The following F8 variants were observed in gnomAD, a reference collection of about 807,000 sequenced individuals.
F8 encodes the protein antihemophilic factor.
F8 carries 12 observed loss-of-function variants against 140.6 expected under a neutral mutation model. That is an observed-to-expected ratio of 0.09 (90% CI 0.05 to 0.14). F8 has a LOEUF of 0.14. F8 is among the 10% of genes least tolerant of loss of function. The probability of loss-of-function intolerance (pLI) is 1.00; values close to 1 mark genes in which losing one functional copy is unlikely to be tolerated. For synonymous variants in F8, 585 were observed against 614.6 expected (o/e 0.95, Z 0.71); for missense variants, 1,354 against 1,720.7 (o/e 0.79, Z 3.77).
chrX:154,914,744 C>T (rs978368985), intron 14 of F8, among the ~76,000 whole-genome samples: 3 of 111,912 alleles, frequency 2.7e-5, no homozygotes, highest in Non-Finnish European at 5.6e-5. Flanking sequence ...CAAACTTTCC[C>T]AGATTTTCCT....
At chrX:154,909,108 GC>G in intron 14 of F8, 1 of 286,407 alleles carries the variant, frequency 3.5e-6, no homozygotes, top group Non-Finnish European at 6.8e-6. Context: ...TGACACTGAA[GC>G]CCACATTGTC....
chrX:154,860,364 T>C, intron 25 of F8, 68 bp downstream of exon 25: 1 of 1,133,915 alleles, frequency 8.8e-7, no homozygotes. Context: ...CTTTTTATGT[T>C]ATGTTAAGCT....
Position 154,931,086 on chromosome X carries a change from T to C in F8, c.2704A>G (p.Asn902Asp). 2 of 1,204,807 alleles carry C rather than the reference T, an allele frequency of 1.7e-6. No individual in the cohort carries two copies. The highest frequency in any genetic ancestry group is 2.2e-6 in the Non-Finnish European group (2 of 892,333). The stretch of plus-strand genomic sequence containing the variant: ...GATGGAATTGTTGAAATCAGATTAT[T>C]TGATGTACTAGAAACTTTGAAATCA... ...KLDFKVSSTS[N>D]NLISTIPSDN... The change falls in exon 14 of 26, where the codon AAT becomes GAT. Residue 902 changes from asparagine to aspartate, a missense_variant. Transcript: ENST00000360256.
rs782257061 is a variant in F8, at chrX:155,022,525, A to G, written c.28T>C (p.Phe10Leu). The G allele has an allele frequency of 9.9e-6, 12 of 1,210,364 alleles. No homozygotes were observed. Among genetic ancestry groups the G allele is most frequent in the Non-Finnish European group, 1.3e-5 (12 of 895,271 alleles). MQIELSTCF[F>L]LCLLRFCFSA... ...AAGCAGAATCGCAAAAGGCACAGAA[A>G]GAAGCAGGTGGAGAGCTCTATTTGC... Residue 10 changes from phenylalanine (F) to leucine (L), a missense_variant, in exon 1 of 26, where the codon TTT (phenylalanine) becomes CTT (leucine). Coordinates refer to ENST00000360256, the MANE Select transcript of F8 (RefSeq NM_000132.4).
At chrX:154,909,954 C>T (rs1240298542) in intron 14 of F8, among the ~76,000 whole-genome samples, 1 of 111,893 alleles carries the variant, frequency 8.9e-6, no homozygotes, top group Admixed American at 9.4e-5. Flanking sequence ...TACAACTTAT[C>T]CCTTCTATTT....
intron 6 of F8, among the ~76,000 whole-genome samples, chrX:154,971,622 C>T (rs1381554017): frequency 9.0e-6 from 1 of 111,085 alleles, no homozygotes; most frequent in African/African-American, 3.3e-5. Context: ...CAATAGAGTA[C>T]CAGAACTTAT....
Position 154,902,163 on chromosome X carries a change from A to G in F8, c.6003T>C (p.Val2001=). 1 of 1,173,913 alleles carries G rather than the reference A, an allele frequency of 8.5e-7. No homozygotes were observed. Among genetic ancestry groups the G allele is most frequent in the Non-Finnish European group, 1.2e-6 (1 of 860,898 alleles). The change falls in exon 19 of 26, where the codon GTT becomes GTC. Residue 2001 remains valine, a synonymous_variant. Transcript: ENST00000360256. ...ATGGTAACATTTCCACTGTCTCAAA[A>G]ACACCTTATAAAAACCAACAGGAAC... ...KMALYNLYPG[V]FETVEMLPSK...
At chrX:155,010,170 C>T (rs1176789005) in intron 1 of F8, among the ~76,000 whole-genome samples, 1 of 112,262 alleles carries the variant, frequency 8.9e-6, no homozygotes, top group Non-Finnish European at 1.9e-5. Flanking sequence ...CACTTTCAGG[C>T]AAATCTGCAT....
chrX:154,917,637 T>C (rs782523939), intron 14 of F8, among the ~76,000 whole-genome samples: 64 of 112,296 alleles, frequency 5.7e-4, no homozygotes, highest in Non-Finnish European at 1.1e-3. Flanking sequence ...TTATTTTTTG[T>C]CCTTTGACTG....
chrX:154,998,173 C>T (rs782689126), intron 2 of F8, among the ~76,000 whole-genome samples: 2 of 112,957 alleles, frequency 1.8e-5, no homozygotes, highest in Non-Finnish European at 3.7e-5. Context: ...CTCTTAGGTT[C>T]TAACAAGTCC....
At chrX:154,951,883 C>A in intron 12 of F8, among the ~76,000 whole-genome samples, 1 of 110,892 alleles carries the variant, frequency 9.0e-6, no homozygotes, top group Non-Finnish European at 1.9e-5. Context: ...TTAGAAATCC[C>A]AGAGGAAAAA....
At chrX:154,957,668 T>C (rs948689384) in intron 10 of F8, among the ~76,000 whole-genome samples, 3 of 110,567 alleles carry the variant, frequency 2.7e-5, no homozygotes, top group Admixed American at 9.6e-5. Context: ...GGGAATGGTG[T>C]TGAGGTGAGG....
chrX:154,921,011 C>T (rs1557277524), intron 14 of F8, among the ~76,000 whole-genome samples: 1 of 111,856 alleles, frequency 8.9e-6, no homozygotes, highest in Non-Finnish European at 1.9e-5. Context: ...TTGAAGAACT[C>T]CTACTAGCAT....
At chrX:154,847,921 C>T (rs936159175) in intron 25 of F8, among the ~76,000 whole-genome samples, 1 of 112,822 alleles carries the variant, frequency 8.9e-6, no homozygotes, top group African/African-American at 3.2e-5. Flanking sequence ...GTGGTTTTAT[C>T]TACCTTTGGT....
Position 154,866,849 on chromosome X carries a change from G to A in F8, c.6430-3622C>T, listed in dbSNP as rs1205120471. Among the ~76,000 whole-genome samples the A allele has an allele frequency of 3.7e-5, 4 of 108,729 alleles. No homozygotes were observed. The Admixed American group carries it at 4.0e-4, about 11-fold the overall frequency. The allele number at this position is 108,729 out of a possible 115,157, so 94.4% of individuals were successfully genotyped here. ...TAGCAGAACAAAGGAGATAATAAAT[G>A]CTAGAGCAGAAATAAATAAAAAAGA... On this transcript the variant is annotated intron_variant, in intron 22 of 25. Coordinates refer to ENST00000360256, the MANE Select transcript of F8 (RefSeq NM_000132.4).
At chrX:154,964,177 T>C (rs1218066949) in intron 9 of F8, among the ~76,000 whole-genome samples, 1 of 111,845 alleles carries the variant, frequency 8.9e-6, no homozygotes, top group East Asian at 2.8e-4. Flanking sequence ...TCTGTCAGAC[T>C]ATGGGGTTGG....
chrX:154,945,207 T>C (rs1408125260), intron 13 of F8, among the ~76,000 whole-genome samples: 1 of 110,592 alleles, frequency 9.0e-6, no homozygotes, highest in African/African-American at 3.3e-5. Flanking sequence ...CTTCACAAAC[T>C]ATCCCAAAAA....
chrX:154,978,711 A>C (rs186189662), intron 6 of F8, among the ~76,000 whole-genome samples: 1 of 102,866 alleles, frequency 9.7e-6, no homozygotes, highest in East Asian at 2.8e-4. Flanking sequence ...CATCTGGTGT[A>C]ATAATCACTT....
At chrX:154,982,423 G>C (rs1432391393) in intron 6 of F8, among the ~76,000 whole-genome samples, 1 of 93,991 alleles carries the variant, frequency 1.1e-5, no homozygotes, top group Non-Finnish European at 2.1e-5. Flanking sequence ...ACTCCAGCCT[G>C]GGCGACAGCA....
Sources: allele counts gnomAD v4.1 joint callset (sites outside exome capture counted in the v4.1 genomes callset), GRCh38; gene constraint gnomAD v4.1.1; transcripts MANE v1.5; gene names NCBI Gene and HGNC (gene_info 2026-07-23, HGNC 2026-07-21).